Variants in DRC11 observed in about 807,000 individuals in gnomAD.
DRC11 encodes the protein IQ and AAA domain-containing protein 1.
the DRC11 span, among the ~76,000 whole-genome samples, chr2:236,326,549 T>G: frequency 1.3e-5 from 2 of 152,180 alleles, no homozygotes; most frequent in Non-Finnish European, 2.9e-5. Context: ...TTCTAAGCTT[T>G]CTTTCTTTTT....
At chr2:236,462,806 A>C in the DRC11 span, among the ~76,000 whole-genome samples, 1 of 152,228 alleles carries the variant, frequency 6.6e-6, no homozygotes, top group Admixed American at 6.5e-5. The surrounding 1 kb of genome is among the most constrained non-coding windows in gnomAD (Gnocchi z 6.4). Flanking sequence ...AAATGGGGCA[A>C]GATTCTTGAA....
chr2:236,316,102 A>G, the DRC11 span, among the ~76,000 whole-genome samples: 1 of 151,730 alleles, frequency 6.6e-6, no homozygotes, highest in African/African-American at 2.4e-5. This position sits in a 1 kb window ranked among gnomAD's most constrained non-coding sequence, Gnocchi z 6.8. Context: ...CACAAAGACA[A>G]AGTTGATAAG....
chr2:236,500,143 T>C, the DRC11 span, among the ~76,000 whole-genome samples: 1 of 152,138 alleles, frequency 6.6e-6, no homozygotes, highest in South Asian at 2.1e-4. The surrounding 1 kb of genome is among the most constrained non-coding windows in gnomAD (Gnocchi z 6.3). Flanking sequence ...CTTACATTTA[T>C]ATACTGTCAG....
the DRC11 span, among the ~76,000 whole-genome samples, chr2:236,453,804 TA>T: frequency 4.7e-4 from 72 of 152,116 alleles, no homozygotes; most frequent in African/African-American, 1.7e-3. This position sits in a 1 kb window ranked among gnomAD's most constrained non-coding sequence, Gnocchi z 4.9. Context: ...CATGCCTGGC[TA>T]ATTTTTTGTA....
At chr2:236,491,140 C>T in the DRC11 span, among the ~76,000 whole-genome samples, 3 of 44,360 alleles carry the variant, frequency 6.8e-5, no homozygotes, top group African/African-American at 3.8e-4. Context: ...TATATATATA[C>T]AGTATATATA....
the DRC11 span, among the ~76,000 whole-genome samples, chr2:236,450,228 A>G: frequency 6.6e-6 from 1 of 151,530 alleles, no homozygotes; most frequent in Non-Finnish European, 1.5e-5. Flanking sequence ...TTCTTTGAAA[A>G]TATTTTTGTT....
At chr2:236,320,841 C>A in the DRC11 span, among the ~76,000 whole-genome samples, 4 of 151,280 alleles carry the variant, frequency 2.6e-5, no homozygotes, top group African/African-American at 9.7e-5. Context: ...GGTACCCCCC[C>A]GCCCCCCGCC....
the DRC11 span, among the ~76,000 whole-genome samples, chr2:236,364,295 CTT>C: frequency 4.8e-4 from 62 of 128,564 alleles, no homozygotes; most frequent in African/African-American, 1.4e-3. Flanking sequence ...TTACCTCTGG[CTT>C]TTTTTTTTTT....
the DRC11 span, chr2:236,503,638 C>T: frequency 6.4e-7 from 1 of 1,550,846 alleles, no homozygotes. The surrounding 1 kb of genome is among the most constrained non-coding windows in gnomAD (Gnocchi z 4.9). Flanking sequence ...TACCTGTTTT[C>T]CTCAGCGCTG....
the DRC11 span, among the ~76,000 whole-genome samples, chr2:236,400,130 C>T: frequency 2.0e-5 from 3 of 152,200 alleles, no homozygotes; most frequent in South Asian, 4.1e-4. This position sits in a 1 kb window ranked among gnomAD's most constrained non-coding sequence, Gnocchi z 7.9. Flanking sequence ...GGAGCTACTC[C>T]GAGTCCTTTG....
the DRC11 span, among the ~76,000 whole-genome samples, chr2:236,426,766 T>C: frequency 1.3e-5 from 2 of 152,170 alleles, no homozygotes; most frequent in African/African-American, 4.8e-5. This position sits in a 1 kb window ranked among gnomAD's most constrained non-coding sequence, Gnocchi z 4.1. Context: ...CCTTCCTATT[T>C]GGATGCCTTC....
chr2:236,407,491 A>G, the DRC11 span, among the ~76,000 whole-genome samples: 1 of 152,096 alleles, frequency 6.6e-6, no homozygotes, highest in African/African-American at 2.4e-5. Context: ...AGATGGTGGG[A>G]CTTCTCAGGC....
the DRC11 span, chr2:236,324,921 C>T: frequency 1.6e-6 from 1 of 608,534 alleles, no homozygotes; most frequent in Non-Finnish European, 2.9e-6. The surrounding 1 kb of genome is among the most constrained non-coding windows in gnomAD (Gnocchi z 5.7). Context: ...ATGCTTGACA[C>T]AAGCTCTTTC....
the DRC11 span, among the ~76,000 whole-genome samples, chr2:236,334,316 C>T: frequency 0.13 from 19,707 of 152,172 alleles, 1,590 homozygotes; most frequent in Admixed American, 0.19. The surrounding 1 kb of genome is among the most constrained non-coding windows in gnomAD (Gnocchi z 7.8). Flanking sequence ...TGGAGGGAGG[C>T]ACAGCGTGGT....
the DRC11 span, among the ~76,000 whole-genome samples, chr2:236,308,800 T>G: frequency 6.6e-6 from 1 of 152,230 alleles, no homozygotes; most frequent in African/African-American, 2.4e-5. The surrounding 1 kb of genome is among the most constrained non-coding windows in gnomAD (Gnocchi z 6.0). Flanking sequence ...TTGTGAATAG[T>G]GCTGCAGTGA....
chr2:236,354,743 G>A, the DRC11 span, among the ~76,000 whole-genome samples: 4 of 152,168 alleles, frequency 2.6e-5, no homozygotes. Flanking sequence ...TTTGGTGATT[G>A]ACAGCCTGCA....
At chr2:236,344,545 G>A in the DRC11 span, 2 of 1,602,118 alleles carry the variant, frequency 1.2e-6, no homozygotes, top group East Asian at 4.5e-5. Context: ...TAAGGCATGA[G>A]AAAGTCCTCA....
chr2:236,488,947 C>T, the DRC11 span, among the ~76,000 whole-genome samples: 6 of 140,710 alleles, frequency 4.3e-5, no homozygotes, highest in African/African-American at 1.1e-4. Flanking sequence ...CCTGTGTGGG[C>T]TCCAGGTACA....
chr2:236,486,779 A>T, the DRC11 span: 2 of 1,212,290 alleles, frequency 1.6e-6, no homozygotes, highest in South Asian at 1.3e-5. The surrounding 1 kb of genome is among the most constrained non-coding windows in gnomAD (Gnocchi z 5.7). Flanking sequence ...AGTCTCACAT[A>T]TTCTATTGTC....
Sources: allele counts gnomAD v4.1 joint callset (sites outside exome capture counted in the v4.1 genomes callset), GRCh38; gene constraint gnomAD v4.1.1; non-coding constraint Gnocchi (gnomAD v3.1); transcripts MANE v1.5; gene names NCBI Gene and HGNC (gene_info 2026-07-23, HGNC 2026-07-21).